The following FARS2 variants were observed in gnomAD, a reference collection of about 807,000 sequenced individuals.
FARS2 encodes phenylalanine--tRNA ligase, mitochondrial.
Under a neutral mutation model 46.4 loss-of-function variants are expected in FARS2, and 40 were observed. The observed-to-expected ratio is 0.86, with a 90% CI of 0.67 to 1.12. FARS2 has a LOEUF of 1.12. Ranked by LOEUF, FARS2 falls within the 50% of genes most tolerant of loss-of-function variation. The pLI, the probability that FARS2 is intolerant of heterozygous loss-of-function variation, is 0.00. For missense variants in FARS2, 513 were observed against 567.9 expected (o/e 0.90, Z 0.98); for synonymous variants, 234 against 214.9 (o/e 1.09, Z -0.78).
chr6:5,536,247 A>G (rs949322264), intron 4 of FARS2, among the ~76,000 whole-genome samples: 2 of 151,930 alleles, frequency 1.3e-5, no homozygotes, highest in African/African-American at 2.4e-5. Context: ...ATGGAGTTTC[A>G]CTGTCGATCT....
intron 1 of FARS2, among the ~76,000 whole-genome samples, chr6:5,324,027 A>C (rs1027091264): frequency 2.0e-5 from 3 of 152,064 alleles, no homozygotes; most frequent in African/African-American, 7.2e-5. Context: ...CTTCTCCCTC[A>C]CATGGAAACA....
chr6:5,250,725 G>C, the FARS2 span, among the ~76,000 whole-genome samples: 1 of 88,126 alleles, frequency 1.1e-5, no homozygotes, highest in South Asian at 2.7e-4. Flanking sequence ...CAGAACAAAC[G>C]TAAGAACTGA....
intron 5 of FARS2, among the ~76,000 whole-genome samples, chr6:5,571,093 C>G (rs910622058): frequency 6.6e-6 from 1 of 152,128 alleles, no homozygotes; most frequent in African/African-American, 2.4e-5. Context: ...ACTTCCACAT[C>G]GTGCATCTAT....
chr6:5,493,674 A>G (rs1767273167), intron 4 of FARS2, among the ~76,000 whole-genome samples: 1 of 152,242 alleles, frequency 6.6e-6, no homozygotes, highest in African/African-American at 2.4e-5. Context: ...AAATGGGAGC[A>G]GTAGTATTAG....
chr6:5,603,312 G>A (rs1428890843), intron 5 of FARS2, among the ~76,000 whole-genome samples: 1 of 152,114 alleles, frequency 6.6e-6, no homozygotes, highest in Non-Finnish European at 1.5e-5. Context: ...GCCAGGCTAG[G>A]AGCCTCTGTA....
chr6:5,397,374 A>T (rs1760972102), intron 2 of FARS2, among the ~76,000 whole-genome samples: 1 of 152,186 alleles, frequency 6.6e-6, no homozygotes, highest in Non-Finnish European at 1.5e-5. Context: ...TGGTGGATGT[A>T]TGTTCGACAT....
chr6:5,565,225 G>A (rs938018326), intron 5 of FARS2, among the ~76,000 whole-genome samples: 3 of 152,176 alleles, frequency 2.0e-5, no homozygotes, highest in Admixed American at 1.3e-4. Flanking sequence ...TTTCCTTGAT[G>A]CTGAAAATCA....
At chr6:5,555,392 A>C (rs553601329) in intron 5 of FARS2, among the ~76,000 whole-genome samples, 1 of 152,272 alleles carries the variant, frequency 6.6e-6, no homozygotes, top group African/African-American at 2.4e-5. Flanking sequence ...ATACTGACCG[A>C]TGAATGTGGT....
At chr6:5,726,114 C>A (rs576355994) in intron 6 of FARS2, among the ~76,000 whole-genome samples, 1 of 152,174 alleles carries the variant, frequency 6.6e-6, no homozygotes, top group Admixed American at 6.5e-5. Context: ...AAAACGGCAC[C>A]TGCACTGTGT....
chr6:5,409,708 G>C (rs562285564), intron 3 of FARS2, among the ~76,000 whole-genome samples: 1 of 152,210 alleles, frequency 6.6e-6, no homozygotes, highest in Non-Finnish European at 1.5e-5. Context: ...ACACGCATCA[G>C]AATCTATCTG....
chr6:5,341,188 GATATATATATATATATATATATATAT>G (rs869067569), intron 1 of FARS2, among the ~76,000 whole-genome samples: 1 of 34,188 alleles, frequency 2.9e-5, no homozygotes, highest in Non-Finnish European at 5.3e-5. Flanking sequence ...GCCATGGGGA[GATATATATATATATATATATATATAT>G]ATATATATAT....
In FARS2 at chr6:5,498,428, A is replaced by T. The variant is rs201914884; in HGVS notation, c.905-46752A>T. On this transcript the variant is annotated intron_variant, in intron 4 of 6. Transcript: ENST00000274680. Reference sequence around the variant, plus strand: ...TCAGATCGGCCAAGTTAACCATCTGACTGTCTGATGGAGCTTATTTTACTT... The same window carrying T: ...TCAGATCGGCCAAGTTAACCATCTGTCTGTCTGATGGAGCTTATTTTACTT... Among the ~76,000 whole-genome samples, 24 of 152,250 alleles carry T rather than the reference A, an allele frequency of 1.6e-4. No homozygotes were observed. In the East Asian group the frequency reaches 4.5e-3, roughly 28 times the overall value.
intron 6 of FARS2, among the ~76,000 whole-genome samples, chr6:5,695,501 G>C (rs762834822): frequency 2.0e-5 from 3 of 152,238 alleles, no homozygotes; most frequent in Non-Finnish European, 4.4e-5. Context: ...CCTGTGTGCC[G>C]TGCACTCAGT....
intron 1 of FARS2, among the ~76,000 whole-genome samples, chr6:5,315,946 G>T (rs1433222995): frequency 6.6e-6 from 1 of 152,244 alleles, no homozygotes; most frequent in Non-Finnish European, 1.5e-5. Flanking sequence ...TTGTGCGTGA[G>T]GAAGGGAGAA....
At chr6:5,288,330 C>T (rs1380465149) in intron 1 of FARS2, among the ~76,000 whole-genome samples, 2 of 152,088 alleles carry the variant, frequency 1.3e-5, no homozygotes, top group African/African-American at 4.8e-5. Flanking sequence ...ATACCCTGAC[C>T]ATCCTAGTCA....
At chr6:5,514,823 G>T (rs1426752850) in intron 4 of FARS2, among the ~76,000 whole-genome samples, 2 of 151,496 alleles carry the variant, frequency 1.3e-5, no homozygotes, top group African/African-American at 4.9e-5. Flanking sequence ...CTGGAGTGCA[G>T]TGGCATGAAC....
At chr6:5,625,091 A>T (rs1247599689) in intron 6 of FARS2, among the ~76,000 whole-genome samples, 1 of 152,186 alleles carries the variant, frequency 6.6e-6, no homozygotes, top group African/African-American at 2.4e-5. Context: ...TTGAAAACGA[A>T]GAGATTTATG....
In FARS2 at chr6:5,613,037, C is replaced by T. The variant is rs1437294946; in HGVS notation, c.1066-132C>T. On this transcript the variant is annotated intron_variant, in intron 5 of 6. Transcript: ENST00000274680. ...ATTTGTCTTTTAAGTTCATTTTGTT[C>T]TGCAAATTTAGATGCTGAAATGATG... 5 of 704,990 alleles carry T rather than the reference C, an allele frequency of 7.1e-6. No individual in the cohort carries two copies. In the East Asian group the frequency reaches 1.4e-4, roughly 20 times the overall value. 43.7% of individuals were successfully genotyped at this position (704,990 alleles called of 1,614,324 possible). A position where few individuals can be genotyped will look rare whatever the true frequency, so the allele number is the denominator to read the frequency against.
intron 1 of FARS2, among the ~76,000 whole-genome samples, chr6:5,271,435 T>C (rs1765935824): frequency 6.6e-6 from 1 of 152,074 alleles, no homozygotes; most frequent in African/African-American, 2.4e-5. Flanking sequence ...CTCCTAGAGA[T>C]AAAGGGGAAT....
Sources: gnomAD v4.1 joint callset for allele counts (sites outside exome capture counted in the v4.1 genomes callset) on GRCh38, gnomAD v4.1.1 for gene constraint, MANE v1.5 for transcripts, NCBI Gene and HGNC (gene_info 2026-07-23, HGNC 2026-07-21) for gene names.